CAMKMT: variants seen among roughly 807,000 people sequenced by gnomAD.
The protein encoded by CAMKMT is CaM KMT.
A neutral mutation model predicts 48.0 loss-of-function variants in CAMKMT; 53 were observed. That is an observed-to-expected ratio of 1.10 (90% confidence interval 0.89 to 1.39). CAMKMT has a LOEUF of 1.39. CAMKMT is among the 40% of genes most tolerant of loss of function. The probability of loss-of-function intolerance (pLI) is 0.00; values close to 1 mark genes in which losing one functional copy is unlikely to be tolerated. For missense variants in CAMKMT, 428 were observed against 402.7 expected (o/e 1.06, Z -0.54); for synonymous variants, 165 against 152.3 (o/e 1.08, Z -0.61).
intron 3 of CAMKMT, among the ~76,000 whole-genome samples, chr2:44,415,596 A>G (rs1022922002): frequency 6.6e-6 from 1 of 152,196 alleles, no homozygotes; most frequent in Admixed American, 6.5e-5. Context: ...TAAATTTCTA[A>G]TGTAAACAGA....
chr2:44,510,182 A>G (rs896293873), intron 3 of CAMKMT, among the ~76,000 whole-genome samples: 3 of 152,210 alleles, frequency 2.0e-5, no homozygotes, highest in African/African-American at 4.8e-5. Flanking sequence ...CCATGATCCA[A>G]TCCAAGAGCA....
chr2:44,460,439 T>A (rs1421311228), intron 3 of CAMKMT, among the ~76,000 whole-genome samples: 2 of 152,196 alleles, frequency 1.3e-5, no homozygotes, highest in African/African-American at 4.8e-5. Context: ...AGTGATTGAT[T>A]ATTTTCATAT....
intron 6 of CAMKMT, among the ~76,000 whole-genome samples, chr2:44,711,380 T>C (rs868764727): frequency 6.6e-6 from 1 of 152,236 alleles, no homozygotes; most frequent in African/African-American, 2.4e-5. Flanking sequence ...GATTTTGCCT[T>C]GGCTAGAATA....
At chr2:44,723,272 C>T (rs1469035625) in intron 7 of CAMKMT, among the ~76,000 whole-genome samples, 1 of 152,158 alleles carries the variant, frequency 6.6e-6, no homozygotes, top group Non-Finnish European at 1.5e-5. Context: ...TCATTCAATT[C>T]TGCAGTGTTC....
At chr2:44,502,293 A>G (rs1198280628) in intron 3 of CAMKMT, among the ~76,000 whole-genome samples, 1 of 88,774 alleles carries the variant, frequency 1.1e-5, no homozygotes, top group Non-Finnish European at 2.7e-5. Context: ...GAATTGTTGT[A>G]TCTCTCCCCT....
chr2:44,430,848 A>G (rs956504156), intron 3 of CAMKMT, among the ~76,000 whole-genome samples: 4 of 152,216 alleles, frequency 2.6e-5, no homozygotes, highest in Non-Finnish European at 5.9e-5. Context: ...TAAGTAGGGT[A>G]AATTACATGA....
chr2:44,574,891 C>T (rs968207882), intron 3 of CAMKMT, among the ~76,000 whole-genome samples: 5 of 151,462 alleles, frequency 3.3e-5, no homozygotes, highest in Admixed American at 2.6e-4. Context: ...CAGGCATGAG[C>T]CACCACGCCC....
chr2:44,677,403 G>A (rs1338751296), intron 3 of CAMKMT, among the ~76,000 whole-genome samples: 2 of 152,172 alleles, frequency 1.3e-5, no homozygotes, highest in Non-Finnish European at 2.9e-5. Flanking sequence ...CATTCAGTTT[G>A]TGGAGTAAGG....
At chr2:44,591,407 G>C (rs1340194883) in intron 3 of CAMKMT, among the ~76,000 whole-genome samples, 1 of 151,970 alleles carries the variant, frequency 6.6e-6, no homozygotes, top group East Asian at 1.9e-4. Context: ...TCTTCCATTT[G>C]TTTGTATCCT....
chr2:44,581,627 A>T (rs556435289), intron 3 of CAMKMT, among the ~76,000 whole-genome samples: 1 of 152,380 alleles, frequency 6.6e-6, no homozygotes, highest in African/African-American at 2.4e-5. Context: ...AAGGTCTAAC[A>T]TGGGATTACT....
chr2:44,561,493 C>G (rs1256141343), intron 3 of CAMKMT, among the ~76,000 whole-genome samples: 4 of 151,928 alleles, frequency 2.6e-5, no homozygotes, highest in Non-Finnish European at 5.9e-5. Flanking sequence ...CTTTCTTTTC[C>G]TCGTTGCTTT....
chr2:44,534,959 T>C (rs1666687570), intron 3 of CAMKMT, among the ~76,000 whole-genome samples: 1 of 151,664 alleles, frequency 6.6e-6, no homozygotes, highest in Non-Finnish European at 1.5e-5. Context: ...TTTTTTAACA[T>C]ATAAAGTTGA....
intron 3 of CAMKMT, among the ~76,000 whole-genome samples, chr2:44,399,182 G>A (rs529391761): frequency 2.0e-5 from 3 of 152,234 alleles, no homozygotes; most frequent in African/African-American, 7.2e-5. Flanking sequence ...TGCCCTTCCA[G>A]GGTTTTGAAG....
rs143399604 is a variant in CAMKMT, at chr2:44,422,961, A to C, written c.376+32656A>C. On this transcript the variant is annotated intron_variant, in intron 3 of 10. Coordinates refer to ENST00000378494, the MANE Select transcript of CAMKMT (RefSeq NM_024766.5). ...CAGAATCAACGTGGTATGGTATACC[A>C]AATGTCCATTACACCTTCAGTCTCA... is the stretch of plus-strand genomic sequence containing the variant. 1.6e-3 allele frequency among the ~76,000 whole-genome samples: 246 copies of C among 152,270 alleles called. 2 individuals carry two copies. Among genetic ancestry groups the C allele is most frequent in the Middle Eastern group, 3.4e-3 (1 of 294 alleles).
chr2:44,362,257 C>T (rs1677953621), intron 1 of CAMKMT, 112 bp downstream of exon 1: 2 of 1,020,502 alleles, frequency 2.0e-6, no homozygotes, highest in African/African-American at 1.7e-5. Flanking sequence ...AGACCCTTCT[C>T]AGTTTGCCGG....
chr2:44,565,476 G>C (rs1244064614), intron 3 of CAMKMT, among the ~76,000 whole-genome samples: 2 of 152,120 alleles, frequency 1.3e-5, no homozygotes, highest in African/African-American at 2.4e-5. Flanking sequence ...TTAGTGATGT[G>C]TGAGGATTAC....
At chr2:44,693,194 T>A (rs1405488749) in intron 3 of CAMKMT, among the ~76,000 whole-genome samples, 1 of 152,216 alleles carries the variant, frequency 6.6e-6, no homozygotes, top group Non-Finnish European at 1.5e-5. Context: ...CTTGCCCCGT[T>A]TCATCTAATT....
intron 3 of CAMKMT, among the ~76,000 whole-genome samples, chr2:44,647,142 A>G (rs554093956): frequency 4.0e-4 from 61 of 152,202 alleles, no homozygotes; most frequent in African/African-American, 1.4e-3. Context: ...AAGTTCCTCT[A>G]GCTACATAGC....
chr2:44,364,295 C>G (rs1230584321), intron 1 of CAMKMT, among the ~76,000 whole-genome samples: 3 of 152,102 alleles, frequency 2.0e-5, no homozygotes, highest in African/African-American at 7.2e-5. Context: ...ATATATCTGC[C>G]TGCTTATAGT....
Sources: allele counts gnomAD v4.1 joint callset (sites outside exome capture counted in the v4.1 genomes callset), GRCh38; gene constraint gnomAD v4.1.1; transcripts MANE v1.5; gene names NCBI Gene and HGNC (gene_info 2026-07-23, HGNC 2026-07-21).